Variants in RIMS4 observed in about 807,000 individuals in gnomAD.
RIMS4 encodes regulating synaptic membrane exocytosis protein 4.
Under a neutral mutation model 29.0 loss-of-function variants are expected in RIMS4, and 9 were observed. The ratio of observed to expected loss-of-function variants is 0.31; its 90% confidence interval spans 0.19 to 0.54. The LOEUF is 0.54. Ranked by LOEUF, RIMS4 falls within the 20% of genes least tolerant of loss-of-function variation. The pLI is 0.94. For missense variants in RIMS4, 193 were observed against 365.7 expected (o/e 0.53, Z 3.85); for synonymous variants, 130 against 152.9 (o/e 0.85, Z 1.10).
chr20:44,801,057 G>A (rs2066275645), intron 1 of RIMS4, among the ~76,000 whole-genome samples: 1 of 152,132 alleles, frequency 6.6e-6, no homozygotes, highest in East Asian at 1.9e-4. Context: ...TTCTCACAAG[G>A]TATCTCTAAT....
intron 1 of RIMS4, among the ~76,000 whole-genome samples, chr20:44,791,012 G>A (rs1568904396): frequency 6.6e-6 from 1 of 152,252 alleles, no homozygotes; most frequent in Admixed American, 6.5e-5. Context: ...TCTGTTGACA[G>A]AAGAGTTGCA....
intron 1 of RIMS4, among the ~76,000 whole-genome samples, chr20:44,773,383 A>C (rs548767855): frequency 2.6e-5 from 4 of 152,204 alleles, no homozygotes; most frequent in African/African-American, 9.6e-5. Flanking sequence ...AGAGAAAGAA[A>C]GAACCACTCA....
At position 44,791,539 on chromosome 20, in the gene RIMS4, A is replaced by G. The variant is rs999794076; in HGVS notation, c.97+18636T>C. On this transcript the variant is annotated intron_variant, in intron 1 of 5. Transcript: ENST00000372851. ...GGCATGTGCTCAGGAAATGCCAGCTAGTATAACTGGACAAGCATTTGTAAC... is the reference window on the plus strand; with the variant it reads ...GGCATGTGCTCAGGAAATGCCAGCTGGTATAACTGGACAAGCATTTGTAAC... Among the ~76,000 whole-genome samples the G allele has an allele frequency of 2.0e-5, 3 of 152,208 alleles. No individual in the cohort carries two copies. The South Asian group carries it at 6.2e-4, about 31-fold the overall frequency.
intron 1 of RIMS4, among the ~76,000 whole-genome samples, chr20:44,790,838 T>A (rs1320892042): frequency 6.6e-6 from 1 of 152,256 alleles, no homozygotes; most frequent in African/African-American, 2.4e-5. Context: ...CTTCTTGCAT[T>A]TAAATGCAGG....
chr20:44,782,992 A>C (rs775907793), intron 1 of RIMS4, among the ~76,000 whole-genome samples: 22 of 152,230 alleles, frequency 1.4e-4, no homozygotes, highest in Non-Finnish European at 3.2e-4. Flanking sequence ...ACATGTGCAC[A>C]ACGACTGTCA....
chr20:44,781,150 T>C (rs1447164687), intron 1 of RIMS4, among the ~76,000 whole-genome samples: 1 of 152,140 alleles, frequency 6.6e-6, no homozygotes, highest in Non-Finnish European at 1.5e-5. Flanking sequence ...AGATAAGTAA[T>C]TATTATTCAT....
chr20:44,809,983 G>A (rs1013914253), intron 1 of RIMS4, among the ~76,000 whole-genome samples, 192 bp downstream of exon 1: 12 of 151,906 alleles, frequency 7.9e-5, no homozygotes, highest in Non-Finnish European at 1.3e-4. Flanking sequence ...ACAATCTCGG[G>A]GTCCCTGGGG....
At chr20:44,766,692 A>G (rs1477290702) in intron 2 of RIMS4, among the ~76,000 whole-genome samples, 1 of 152,222 alleles carries the variant, frequency 6.6e-6, no homozygotes, top group Non-Finnish European at 1.5e-5. Flanking sequence ...ACTGTCTGCA[A>G]GAACCCCAGA....
chr20:44,768,554 C>A (rs117266731), intron 2 of RIMS4, among the ~76,000 whole-genome samples: 1 of 152,218 alleles, frequency 6.6e-6, no homozygotes, highest in Non-Finnish European at 1.5e-5. Context: ...AGCTCAATGT[C>A]CCCACCCATT....
chr20:44,758,175 A>G lies in RIMS4; in HGVS notation c.246T>C (p.Tyr82=), dbSNP rs374708635. The change falls in exon 3 of 6, where the codon TAT becomes TAC. Residue 82 remains tyrosine, a synonymous_variant. Transcript: ENST00000372851. ...NSYGSEGNLN[Y]GGVCLASDAQ... ...CGTCCGACGCCAGGCAAACTCCTCC[A>G]TAGTTAAGGCTGCAAGAGGAAAAGG... 19 of 1,611,562 alleles carry G rather than the reference A, an allele frequency of 1.2e-5. No homozygotes were observed. The highest frequency in any genetic ancestry group is 1.5e-5 in the Non-Finnish European group (18 of 1,178,372).
chr20:44,779,747 T>C (rs992091939), intron 1 of RIMS4, among the ~76,000 whole-genome samples: 2 of 152,228 alleles, frequency 1.3e-5, no homozygotes, highest in African/African-American at 2.4e-5. Context: ...TTCTGTGCAG[T>C]TCTTCAGGGC....
chr20:44,774,492 C>T (rs1235849996), intron 1 of RIMS4, among the ~76,000 whole-genome samples: 2 of 152,144 alleles, frequency 1.3e-5, no homozygotes, highest in African/African-American at 4.8e-5. Context: ...TCCCAGCGTG[C>T]ATCTTCCTCC....
intron 1 of RIMS4, among the ~76,000 whole-genome samples, chr20:44,773,572 C>T (rs2066146392): frequency 1.3e-5 from 2 of 152,170 alleles, no homozygotes; most frequent in South Asian, 4.1e-4. Flanking sequence ...CCTCGGCTCC[C>T]TCCCTCTCTG....
intron 2 of RIMS4, among the ~76,000 whole-genome samples, chr20:44,764,159 C>CATTT (rs2066101005): frequency 2.2e-5 from 3 of 133,904 alleles, no homozygotes; most frequent in African/African-American, 5.9e-5. Flanking sequence ...TTTATCCATC[C>CATTT]ATCCATCCAT....
At chr20:44,782,279 T>G (rs1050514087) in intron 1 of RIMS4, among the ~76,000 whole-genome samples, 1 of 152,212 alleles carries the variant, frequency 6.6e-6, no homozygotes, top group Non-Finnish European at 1.5e-5. Flanking sequence ...CATACCTTAT[T>G]TTTCTGAGAT....
chr20:44,810,492 T>TGGCTGC lies in RIMS4; in HGVS notation c.-222_-221insGCAGCC, dbSNP rs2066320409. Among the ~76,000 whole-genome samples, 1 of 138,778 alleles carries TGGCTGC rather than the reference T, an allele frequency of 7.2e-6. No homozygotes were observed. The highest frequency in any genetic ancestry group is 2.6e-5 in the African/African-American group (1 of 38,352). The allele number at this position is 138,778 out of a possible 152,430, so 91.0% of individuals were successfully genotyped here. A position where few individuals can be genotyped will look rare whatever the true frequency, so the allele number is the denominator to read the frequency against. On this transcript the variant is annotated 5_prime_UTR_variant, in exon 1 of 6. Transcript: ENST00000372851. ...CGGAGCCCGAGGCGCGCTGTGCTGC[T>TGGCTGC]GGCGGCGGCGGCGGCGGCGGCGGTG...
rs185921407 is a variant in RIMS4 at position 44,801,762 on chromosome 20, C to A, written c.97+8413G>T. 2.0e-5 allele frequency among the ~76,000 whole-genome samples: 3 copies of A among 152,256 alleles called. No homozygotes were observed. In the East Asian group the frequency reaches 5.8e-4, roughly 29 times the overall value. On this transcript the variant is annotated intron_variant, in intron 1 of 5. Coordinates refer to ENST00000372851, the MANE Select transcript of RIMS4 (RefSeq NM_182970.4). ...CGTGTTAAACCTGGCACAACGCAGG[C>A]AGCAGCTGAGACTCATTTGGATCAT...
At position 44,753,016 on chromosome 20, in the gene RIMS4, G is replaced by A. The variant is rs779612808; in HGVS notation, c.*3118C>T. 6.5e-6 allele frequency: 1 copy of A among 152,754 alleles called. No homozygotes were observed. The highest frequency in any genetic ancestry group is 2.4e-5 in the African/African-American group (1 of 41,452). 9.5% of individuals were successfully genotyped at this position (152,754 alleles called of 1,614,324 possible). A position where few individuals can be genotyped will look rare whatever the true frequency, so the allele number is the denominator to read the frequency against. ...AGGGCTGTGCAGCCCAGGGCTTCGA[G>A]GCCAGGAATCCTTGTCCCAGCAGAC... On this transcript the variant is annotated 3_prime_UTR_variant, in exon 6 of 6. Coordinates refer to ENST00000372851, the MANE Select transcript of RIMS4 (RefSeq NM_182970.4).
At chr20:44,775,186 C>T (rs1199443631) in intron 1 of RIMS4, among the ~76,000 whole-genome samples, 1 of 152,112 alleles carries the variant, frequency 6.6e-6, no homozygotes, top group African/African-American at 2.4e-5. Context: ...TGACGGGAGC[C>T]AGGGAGAAAT....
Sources: allele counts gnomAD v4.1 joint callset (sites outside exome capture counted in the v4.1 genomes callset), GRCh38; gene constraint gnomAD v4.1.1; transcripts MANE v1.5; gene names NCBI Gene and HGNC (gene_info 2026-07-23, HGNC 2026-07-21).